Variants in MOXD1 observed in about 807,000 individuals in gnomAD.
The protein encoded by MOXD1 is DBH-like monooxygenase protein 1.
A neutral mutation model predicts 66.6 loss-of-function variants in MOXD1; 62 were observed. The observed-to-expected ratio is 0.93, with a 90% CI of 0.76 to 1.15. The LOEUF is 1.15. MOXD1 is among the 50% of genes most tolerant of loss of function. The probability of loss-of-function intolerance (pLI) is 0.00; values close to 1 mark genes in which losing one functional copy is unlikely to be tolerated. For synonymous variants in MOXD1, 303 were observed against 281.9 expected, an observed-to-expected ratio of 1.07 and a Z score of -0.75; for missense variants, 847 against 754.6, an observed-to-expected ratio of 1.12 and a Z score of -1.44.
At chr6:132,352,003 A>T (rs1005408490) in intron 4 of MOXD1, among the ~76,000 whole-genome samples, 1 of 152,084 alleles carries the variant, frequency 6.6e-6, no homozygotes, top group Non-Finnish European at 1.5e-5. Context: ...TAATGAGGTT[A>T]TTTGGATTTT....
intron 9 of MOXD1, among the ~76,000 whole-genome samples, chr6:132,316,780 ATG>A (rs1351980777): frequency 6.6e-6 from 1 of 152,176 alleles, no homozygotes; most frequent in Non-Finnish European, 1.5e-5. Flanking sequence ...TCTAGCATTT[ATG>A]TCTAACATAT....
intron 9 of MOXD1, among the ~76,000 whole-genome samples, chr6:132,317,149 G>C (rs1036102810): frequency 1.3e-5 from 2 of 152,094 alleles, no homozygotes; most frequent in Non-Finnish European, 2.9e-5. Context: ...CACAAGTGTT[G>C]CAAAGGAAAC....
Position 132,398,190 on chromosome 6 carries a change from C to T in MOXD1, c.264+2973G>A, listed in dbSNP as rs141886263. On this transcript the variant is annotated intron_variant, in intron 1 of 11. Coordinates refer to ENST00000367963, the MANE Select transcript of MOXD1 (RefSeq NM_015529.4). ...TAGCTTGTTTCACTTAAGTTAATGGCCTCCAGTCACTCTTAGATTTATTTC... is the reference window on the plus strand; with the variant it reads ...TAGCTTGTTTCACTTAAGTTAATGGTCTCCAGTCACTCTTAGATTTATTTC... Among the ~76,000 whole-genome samples the T allele has an allele frequency of 3.5e-3, 532 of 152,200 alleles. 5 individuals carry two copies. Among genetic ancestry groups the T allele is most frequent in the African/African-American group, 0.012 (502 of 41,504 alleles).
intron 4 of MOXD1, among the ~76,000 whole-genome samples, chr6:132,349,454 T>TATATATATATACATATATATATATATAC (rs1354336698): frequency 3.9e-5 from 1 of 25,520 alleles, no homozygotes; most frequent in Non-Finnish European, 6.7e-5. Flanking sequence ...TATATATACA[T>TATATATATATACATATATATATATATAC]ATATATATAT....
intron 4 of MOXD1, among the ~76,000 whole-genome samples, chr6:132,369,895 T>C (rs983080079): frequency 6.6e-6 from 1 of 152,090 alleles, no homozygotes; most frequent in Non-Finnish European, 1.5e-5. Flanking sequence ...ACTTAACCCA[T>C]GGAACCACAG....
chr6:132,341,741 C>T (rs1775567771), intron 4 of MOXD1, among the ~76,000 whole-genome samples: 1 of 152,178 alleles, frequency 6.6e-6, no homozygotes, highest in Non-Finnish European at 1.5e-5. Flanking sequence ...ATAAGTCCCC[C>T]TTATGCAACT....
At chr6:132,356,340 C>A (rs907337983) in intron 4 of MOXD1, among the ~76,000 whole-genome samples, 1 of 152,094 alleles carries the variant, frequency 6.6e-6, no homozygotes, top group Non-Finnish European at 1.5e-5. Context: ...CCAAAGCAAT[C>A]AGAAATATTA....
At chr6:132,380,687 T>C (rs1776488872) in intron 1 of MOXD1, among the ~76,000 whole-genome samples, 1 of 152,222 alleles carries the variant, frequency 6.6e-6, no homozygotes, top group African/African-American at 2.4e-5. Flanking sequence ...AGTATTTCAG[T>C]TATAAATTTG....
intron 2 of MOXD1, among the ~76,000 whole-genome samples, chr6:132,373,689 T>TG (rs1776315974): frequency 1.3e-5 from 2 of 152,298 alleles, no homozygotes; most frequent in East Asian, 3.9e-4. Flanking sequence ...GGCTATGGGT[T>TG]GGGGAGGGTT....
intron 4 of MOXD1, among the ~76,000 whole-genome samples, chr6:132,340,661 T>TTTTTTTTTTTTTTTTTTTTTTG (rs1775536674): frequency 7.0e-6 from 1 of 143,230 alleles, no homozygotes; most frequent in African/African-American, 2.7e-5. Flanking sequence ...TTTTTTTTTT[T>TTTTTTTTTTTTTTTTTTTTTTG]TTTGAGCCGG....
intron 9 of MOXD1, among the ~76,000 whole-genome samples, chr6:132,320,117 A>G (rs954289780): frequency 9.9e-5 from 15 of 152,136 alleles, no homozygotes; most frequent in Admixed American, 6.6e-4. Context: ...ACTACATTTT[A>G]TGACTTGGTG....
At chr6:132,303,799 A>G (rs1774609943) in intron 10 of MOXD1, among the ~76,000 whole-genome samples, 1 of 86,224 alleles carries the variant, frequency 1.2e-5, no homozygotes, top group African/African-American at 9.0e-5. Context: ...ATACATATAT[A>G]CACACACATG....
intron 8 of MOXD1, among the ~76,000 whole-genome samples, chr6:132,321,435 A>G (rs1775076925): frequency 6.6e-6 from 1 of 152,144 alleles, no homozygotes. Context: ...TCATGCCTTT[A>G]TTTCCTTACA....
chr6:132,326,034 T>C (rs73546009), intron 6 of MOXD1, among the ~76,000 whole-genome samples: 7,072 of 152,282 alleles, frequency 0.046, 312 homozygotes, highest in African/African-American at 0.11. Context: ...TGGCATCTAC[T>C]TCCTTATAAG....
chr6:132,320,623 T>C lies in MOXD1; in HGVS notation c.1365+6A>G. 1 of 1,600,676 alleles carries C rather than the reference T, an allele frequency of 6.2e-7. No individual in the cohort carries two copies. Among genetic ancestry groups the C allele is most frequent in the Non-Finnish European group, 8.5e-7 (1 of 1,173,602 alleles). On this transcript the variant is annotated splice_donor_region_variant and intron_variant, in intron 9 of 11. Transcript: ENST00000367963. ...TGAACTTTAATAATAATAAAAGTTT[T>C]CTTACCCAAGTCATCTCAGCTCTAT... is the stretch of plus-strand genomic sequence containing the variant.
chr6:132,315,804 A>G (rs755898108), intron 9 of MOXD1, 27 bp from the exon 10 acceptor site: 4 of 1,611,306 alleles, frequency 2.5e-6, no homozygotes, highest in Middle Eastern at 1.7e-4. Context: ...TATTTAGCAA[A>G]GTATGTGTTC....
intron 1 of MOXD1, among the ~76,000 whole-genome samples, chr6:132,398,824 A>G (rs372237469): frequency 5.3e-5 from 8 of 151,058 alleles, no homozygotes; most frequent in African/African-American, 9.7e-5. Context: ...CTGTAATCCC[A>G]GCTACTCGGG....
intron 7 of MOXD1, 142 bp from the exon 8 acceptor site, chr6:132,323,012 A>G: frequency 1.3e-6 from 1 of 786,650 alleles, no homozygotes. Flanking sequence ...AAGAGTTTGA[A>G]TTCGGATTGT....
chr6:132,376,174 A>T (rs1226841495), intron 1 of MOXD1, among the ~76,000 whole-genome samples: 1 of 152,208 alleles, frequency 6.6e-6, no homozygotes, highest in Non-Finnish European at 1.5e-5. Flanking sequence ...GAGAAGTTGT[A>T]CAGTTGATTT....
Sources: allele counts gnomAD v4.1 joint callset (sites outside exome capture counted in the v4.1 genomes callset), GRCh38; gene constraint gnomAD v4.1.1; transcripts MANE v1.5; gene names NCBI Gene and HGNC (gene_info 2026-07-23, HGNC 2026-07-21).